Variants in PPARG observed in about 807,000 individuals in gnomAD.
PPARG encodes the protein peroxisome proliferator activated receptor gamma.
A neutral mutation model predicts 39.2 loss-of-function variants in PPARG; 17 were observed. That is an observed-to-expected ratio of 0.43 (90% CI 0.30 to 0.65). PPARG has a LOEUF of 0.65. Ranked by LOEUF, PPARG falls within the 30% of genes least tolerant of loss-of-function variation. The probability of loss-of-function intolerance (pLI) is 0.13; values close to 1 mark genes in which losing one functional copy is unlikely to be tolerated. For synonymous variants in PPARG, 223 were observed against 215.7 expected, an observed-to-expected ratio of 1.03 and a Z score of -0.30; for missense variants, 406 against 585.9, an observed-to-expected ratio of 0.69 and a Z score of 3.17.
chr3:12,343,059 T>G (rs1410705903), intron 2 of PPARG, among the ~76,000 whole-genome samples: 1 of 152,208 alleles, frequency 6.6e-6, no homozygotes, highest in African/African-American at 2.4e-5. Context: ...TATTATTTAA[T>G]GATGTGCACA....
At chr3:12,353,489 C>G (rs1454445980) in intron 2 of PPARG, among the ~76,000 whole-genome samples, 3 of 152,154 alleles carry the variant, frequency 2.0e-5, no homozygotes, top group Non-Finnish European at 4.4e-5. Context: ...GAGTTGAACA[C>G]TGTGGAGTTG....
intron 2 of PPARG, among the ~76,000 whole-genome samples, chr3:12,341,626 G>A (rs956120143): frequency 2.0e-5 from 3 of 152,128 alleles, no homozygotes; most frequent in African/African-American, 7.2e-5. Flanking sequence ...TTGGCAACAT[G>A]GTGAAACCCC....
chr3:12,343,067 A>G (rs967877084), intron 2 of PPARG, among the ~76,000 whole-genome samples: 5 of 152,196 alleles, frequency 3.3e-5, no homozygotes, highest in African/African-American at 1.2e-4. Context: ...AATGATGTGC[A>G]CACAGAACTC....
At chr3:12,347,539 C>A (rs2048363193) in intron 2 of PPARG, among the ~76,000 whole-genome samples, 1 of 152,164 alleles carries the variant, frequency 6.6e-6, no homozygotes, top group Non-Finnish European at 1.5e-5. Flanking sequence ...AAACCCTGAA[C>A]TGATGCAACC....
chr3:12,426,092 T>A (rs1225488825), intron 7 of PPARG, among the ~76,000 whole-genome samples: 1 of 152,154 alleles, frequency 6.6e-6, no homozygotes, highest in Admixed American at 6.5e-5. Flanking sequence ...TGAGATGTAA[T>A]CGCTATTTAA....
chr3:12,301,927 A>G (rs1448293990), intron 1 of PPARG: 1 of 152,232 alleles, frequency 6.6e-6, no homozygotes, highest in Non-Finnish European at 1.5e-5. Flanking sequence ...GCCAGACACA[A>G]CAGTTGCACA....
Position 12,296,561 on chromosome 3 carries a change from A to C in PPARG, c.-83+7427A>C, listed in dbSNP as rs112989030. On this transcript the variant is annotated intron_variant, in intron 1 of 7. Transcript: ENST00000651735. ...TGCTTATGGTTAAGTTCTTTGCCCT[A>C]TCTCTCTCCACTCATAGGATCTCTT... Among the ~76,000 whole-genome samples, 264 of 152,188 alleles carry C rather than the reference A, an allele frequency of 1.7e-3. 1 individual carries two copies. Among genetic ancestry groups the C allele is most frequent in the Non-Finnish European group, 2.8e-3 (191 of 67,994 alleles).
chr3:12,424,238 C>T (rs2051361026), intron 7 of PPARG, among the ~76,000 whole-genome samples: 1 of 152,160 alleles, frequency 6.6e-6, no homozygotes, highest in South Asian at 2.1e-4. Context: ...ATGAAACATC[C>T]TAGAATCATC....
intron 3 of PPARG, 97 bp downstream of exon 3, chr3:12,380,028 C>A: frequency 9.3e-7 from 1 of 1,072,568 alleles, no homozygotes; most frequent in Middle Eastern, 2.0e-4. Context: ...GACTAGAAAT[C>A]TAATAGAGAA....
chr3:12,365,016 G>T (rs929524069), intron 2 of PPARG, among the ~76,000 whole-genome samples: 1 of 152,146 alleles, frequency 6.6e-6, no homozygotes, highest in African/African-American at 2.4e-5. Context: ...ATGGACTGGG[G>T]TGGGCAGGAA....
chr3:12,368,213 T>TTG (rs2049086670), intron 2 of PPARG, among the ~76,000 whole-genome samples: 1 of 144,530 alleles, frequency 6.9e-6, no homozygotes, highest in African/African-American at 2.5e-5. Flanking sequence ...ACAGTGTCTC[T>TTG]CTCTGTTGCC....
At chr3:12,305,032 T>G (rs2047023263) in intron 1 of PPARG, among the ~76,000 whole-genome samples, 1 of 152,126 alleles carries the variant, frequency 6.6e-6, no homozygotes, top group Non-Finnish European at 1.5e-5. Context: ...CCTTTCTTCC[T>G]CTCTTTCCTC....
At chr3:12,288,956 T>C (rs889045113), upstream of PPARG, 1 of 152,464 alleles carries the variant, frequency 6.6e-6, no homozygotes, top group African/African-American at 2.4e-5. Flanking sequence ...GGTGGGTGTG[T>C]AGTCGTGGTA....
At chr3:12,300,371 C>A (rs1443113260) in intron 1 of PPARG, among the ~76,000 whole-genome samples, 1 of 152,208 alleles carries the variant, frequency 6.6e-6, no homozygotes, top group Non-Finnish European at 1.5e-5. Flanking sequence ...TGATTGAACA[C>A]AGCGCATTGC....
intron 1 of PPARG, among the ~76,000 whole-genome samples, chr3:12,298,955 C>T (rs1559483911): frequency 6.6e-6 from 1 of 152,108 alleles, no homozygotes; most frequent in Non-Finnish European, 1.5e-5. Flanking sequence ...CCCACCTCAG[C>T]CTCCCAAGTA....
chr3:12,381,603 T>A, intron 4 of PPARG, 112 bp downstream of exon 4: 1 of 1,119,058 alleles, frequency 8.9e-7, no homozygotes, highest in Non-Finnish European at 1.3e-6. Flanking sequence ...CATGGAAGAG[T>A]ATCTTGCTCT....
At chr3:12,399,231 TTTTG>T in intron 5 of PPARG, 1 of 396,284 alleles carries the variant, frequency 2.5e-6, no homozygotes, top group Admixed American at 3.1e-5. Context: ...TCATCTTCAT[TTTTG>T]AAAGAAACCT....
Position 12,381,497 on chromosome 3 carries a change from TAA to T in PPARG, c.390+14_390+15del. 6.2e-7 allele frequency: 1 copy of T among 1,602,382 alleles called. No homozygotes were observed. The highest frequency in any genetic ancestry group is 1.1e-5 in the South Asian group (1 of 90,476). On this transcript the variant is annotated splice_region_variant and intron_variant, in intron 4 of 7. Transcript: ENST00000651735. Reference sequence around the variant, plus strand: ...ATGCTTGTGAAGGATGCAAGGTAATTAAAAAAAAAGTCTTCAAAGAAATTGTT... The same window carrying T: ...ATGCTTGTGAAGGATGCAAGGTAATTAAAAAAAGTCTTCAAAGAAATTGTT...
chr3:12,414,228 G>T (rs1443820274), intron 6 of PPARG, among the ~76,000 whole-genome samples: 2 of 152,212 alleles, frequency 1.3e-5, no homozygotes, highest in Admixed American at 6.5e-5. Flanking sequence ...ATGTGAAAAG[G>T]TGATGATTTT....
Sources: allele counts gnomAD v4.1 joint callset (sites outside exome capture counted in the v4.1 genomes callset), GRCh38; gene constraint gnomAD v4.1.1; transcripts MANE v1.5; gene names NCBI Gene and HGNC (gene_info 2026-07-23, HGNC 2026-07-21).